LRRC38: variants seen among roughly 807,000 people sequenced by gnomAD.
LRRC38 encodes leucine-rich repeat-containing protein 38.
Under a neutral mutation model 16.4 loss-of-function variants are expected in LRRC38, and 5 were observed. The ratio of observed to expected loss-of-function variants is 0.31; its 90% CI spans 0.16 to 0.64. LRRC38 has a LOEUF of 0.64. Among genes scored for constraint, LRRC38 ranks in the 30% least tolerant of loss-of-function variants. LRRC38 has a pLI of 0.80. For missense variants in LRRC38, 341 were observed against 401.8 expected (o/e 0.85, Z 1.29); for synonymous variants, 191 against 190.2 (o/e 1.00, Z -0.04).
In LRRC38 at chr1:13,487,976, G is replaced by A. The variant is rs957817439; in HGVS notation, c.632-11877C>T. Among the ~76,000 whole-genome samples the A allele has an allele frequency of 7.9e-5, 12 of 151,272 alleles. No individual in the cohort carries two copies. The South Asian group carries it at 2.3e-3, about 29-fold the overall frequency. ...GACAATAAAAATAATCAAAAACAAG[G>A]GAGAATTAAAAAAAAAGTTAACACT... On this transcript the variant is annotated intron_variant, in intron 1 of 1. Coordinates refer to ENST00000376085, the MANE Select transcript of LRRC38 (RefSeq NM_001010847.2). The surrounding 1 kb of genome is among the most constrained non-coding windows in gnomAD (Gnocchi z 4.4).
At chr1:13,493,492 A>G (rs546869188) in intron 1 of LRRC38, among the ~76,000 whole-genome samples, 1 of 152,298 alleles carries the variant, frequency 6.6e-6, no homozygotes, top group African/African-American at 2.4e-5. Context: ...TCCACATGCT[A>G]ATCCTCAGAA....
chr1:13,497,441 G>A (rs1639092016), intron 1 of LRRC38, among the ~76,000 whole-genome samples: 1 of 152,038 alleles, frequency 6.6e-6, no homozygotes, highest in Admixed American at 6.6e-5. Context: ...TTGTGGCTGA[G>A]AGACTCTAGT....
chr1:13,513,047 G>A lies in LRRC38; in HGVS notation c.547C>T (p.Leu183=). The A allele has an allele frequency of 6.5e-7, 1 of 1,550,056 alleles. No homozygotes were observed. The highest frequency in any genetic ancestry group is 8.7e-7 in the Non-Finnish European group (1 of 1,146,732). Residue 183 remains leucine, a synonymous_variant, in exon 1 of 2, where the codon CTG becomes TTG. Transcript: ENST00000376085. ...TCGCACAGCCAGGGGTTCCCGTCCAGACGCAGGGAGCGCAGCGCGGGCAGC... is the reference window on the plus strand; with the variant it reads ...TCGCACAGCCAGGGGTTCCCGTCCAAACGCAGGGAGCGCAGCGCGGGCAGC... The part of the protein sequence containing the change: ...AALPALRSLR[L]DGNPWLCDCD...
chr1:13,506,853 AG>A (rs1362238215), intron 1 of LRRC38, among the ~76,000 whole-genome samples: 3 of 152,228 alleles, frequency 2.0e-5, no homozygotes, highest in Admixed American at 6.5e-5. Flanking sequence ...ACAAGATGCT[AG>A]GACAGCAGGA....
chr1:13,499,056 T>C (rs557484638), intron 1 of LRRC38, among the ~76,000 whole-genome samples: 1 of 152,276 alleles, frequency 6.6e-6, no homozygotes, highest in East Asian at 1.9e-4. Flanking sequence ...CCAGTCATAC[T>C]GAGTTCAGGC....
Position 13,487,945 on chromosome 1 carries a change from T to C in LRRC38, c.632-11846A>G, listed in dbSNP as rs1227962424. On this transcript the variant is annotated intron_variant, in intron 1 of 1. Transcript: ENST00000376085. This position sits in a 1 kb window ranked among gnomAD's most constrained non-coding sequence, Gnocchi z 4.4. The stretch of plus-strand genomic sequence containing the variant: ...ACATATTAGGCAAAGCTCACATATA[T>C]ACTGAGACAATAAAAATAATCAAAA... Among the ~76,000 whole-genome samples the C allele has an allele frequency of 1.3e-5, 2 of 152,006 alleles. No individual in the cohort carries two copies. The highest frequency in any genetic ancestry group is 2.9e-5 in the Non-Finnish European group (2 of 68,008).
At chr1:13,494,775 C>A (rs959830906) in intron 1 of LRRC38, among the ~76,000 whole-genome samples, 1 of 152,192 alleles carries the variant, frequency 6.6e-6, no homozygotes, top group Non-Finnish European at 1.5e-5. Context: ...CTTGGTCTCT[C>A]TGAGCTGTGC....
chr1:13,487,543 C>T lies in LRRC38; in HGVS notation c.632-11444G>A, dbSNP rs75183448. Among the ~76,000 whole-genome samples, 1,519 of 152,318 alleles carry T rather than the reference C, an allele frequency of 1.0e-2. 22 individuals carry two copies. The highest frequency in any genetic ancestry group is 0.034 in the African/African-American group (1,430 of 41,560). On this transcript the variant is annotated intron_variant, in intron 1 of 1. Coordinates refer to ENST00000376085, the MANE Select transcript of LRRC38 (RefSeq NM_001010847.2). The surrounding 1 kb of genome is among the most constrained non-coding windows in gnomAD (Gnocchi z 4.4). ...CCACAGCGCCCTCCCCTTATAACCA[C>T]GACTTCCTTCTCTTCCAGGGCACAT...
In LRRC38 at chr1:13,513,333, G is replaced by T. The variant is rs374550402; in HGVS notation, c.261C>A (p.Phe87Leu). Reference sequence around the variant, plus strand: ...CCAGCGAGCGCAGCGAGTTGTTCCTGAAGTCCAGGTAGACCAGGTCGCCGT... The same window carrying T: ...CCAGCGAGCGCAGCGAGTTGTTCCTTAAGTCCAGGTAGACCAGGTCGCCGT... ...IFYGDLVYLD[F>L]RNNSLRSLEE... is the part of the protein sequence containing the mutation. The change falls in exon 1 of 2, where the codon TTC becomes TTA. Residue 87 changes from phenylalanine to leucine, a missense_variant. Physicochemically the swap from Phe to Leu is conservative, Grantham distance 22. Transcript: ENST00000376085. The T allele has an allele frequency of 1.9e-6, 3 of 1,550,938 alleles. No individual in the cohort carries two copies. Among genetic ancestry groups the T allele is most frequent in the South Asian group, 2.4e-5 (2 of 84,064 alleles).
At chr1:13,481,770 TCCCTCTCTCC>T (rs1162205723) in intron 1 of LRRC38, among the ~76,000 whole-genome samples, 437 of 37,588 alleles carry the variant, frequency 0.012, 16 homozygotes, top group Non-Finnish European at 0.013. Context: ...TCCCTCTCTC[TCCCTCTCTCC>T]CTCTCTCCCT....
At chr1:13,507,601 G>A (rs915237397) in intron 1 of LRRC38, among the ~76,000 whole-genome samples, 5 of 151,412 alleles carry the variant, frequency 3.3e-5, no homozygotes, top group African/African-American at 1.2e-4. Context: ...CCAGGCCGAG[G>A]TGAGTGGATC....
At position 13,512,948 on chromosome 1, in the gene LRRC38, G is replaced by A; in HGVS notation, c.631+15C>T. 1.1e-6 allele frequency: 1 copy of A among 902,938 alleles called. No homozygotes were observed. The highest frequency in any genetic ancestry group is 1.6e-6 in the Non-Finnish European group (1 of 643,724). 55.9% of individuals were successfully genotyped at this position (902,938 alleles called of 1,614,324 possible). Reference sequence around the variant, plus strand: ...CCCCCTCCCTCCCTCCCCCAGCCTAGCCGGCTCGGCTCACCTTTGGGCAGT... The same window carrying A: ...CCCCCTCCCTCCCTCCCCCAGCCTAACCGGCTCGGCTCACCTTTGGGCAGT... On this transcript the variant is annotated intron_variant, in intron 1 of 1. Coordinates refer to ENST00000376085, the MANE Select transcript of LRRC38 (RefSeq NM_001010847.2).
chr1:13,496,979 G>A (rs1639088151), intron 1 of LRRC38, among the ~76,000 whole-genome samples: 1 of 152,092 alleles, frequency 6.6e-6, no homozygotes, highest in Admixed American at 6.6e-5. Flanking sequence ...CCTGGCAGAG[G>A]AAGTAGCAGG....
At chr1:13,496,213 C>G (rs1639078064) in intron 1 of LRRC38, among the ~76,000 whole-genome samples, 1 of 151,972 alleles carries the variant, frequency 6.6e-6, no homozygotes, top group Non-Finnish European at 1.5e-5. Context: ...GTCACCCAGG[C>G]TGGGGTGCAG....
chr1:13,504,595 C>T (rs1346817988), intron 1 of LRRC38, among the ~76,000 whole-genome samples: 1 of 151,596 alleles, frequency 6.6e-6, no homozygotes, highest in Non-Finnish European at 1.5e-5. Flanking sequence ...GTAGTGTACA[C>T]ACCTGTAATC....
At chr1:13,499,242 G>A (rs1639119085) in intron 1 of LRRC38, among the ~76,000 whole-genome samples, 2 of 152,194 alleles carry the variant, frequency 1.3e-5, no homozygotes, top group East Asian at 3.9e-4. Flanking sequence ...GGGATTACAG[G>A]TGCCCGCCAC....
chr1:13,493,646 C>A (rs1639045307), intron 1 of LRRC38, among the ~76,000 whole-genome samples: 1 of 152,122 alleles, frequency 6.6e-6, no homozygotes, highest in Non-Finnish European at 1.5e-5. Context: ...GCAGGCAGGT[C>A]AGAGCAGGAG....
chr1:13,495,484 G>C (rs189310700), intron 1 of LRRC38, among the ~76,000 whole-genome samples: 3 of 152,182 alleles, frequency 2.0e-5, no homozygotes, highest in South Asian at 2.1e-4. Context: ...ATGGTGGGGA[G>C]GGGGAGGGAG....
Position 13,476,012 on chromosome 1 carries a change from C to A in LRRC38, c.719G>T (p.Arg240Met), listed in dbSNP as rs1426958002. 1.3e-6 allele frequency: 2 copies of A among 1,550,506 alleles called. No individual in the cohort carries two copies. Among genetic ancestry groups the A allele is most frequent in the Non-Finnish European group, 1.7e-6 (2 of 1,146,974 alleles). Residue 240 changes from arginine (R) to methionine (M), a missense_variant, in exon 2 of 2, where the codon AGG (arginine) becomes ATG (methionine). By Grantham distance (91) the Arg-to-Met change is moderately conservative. Transcript: ENST00000376085. ...GAGGTCTGTGAGTGACAGGCTGAACCTACACTCGCTGAAGCTGGCCTCCGA... is the reference window on the plus strand; with the variant it reads ...GAGGTCTGTGAGTGACAGGCTGAACATACACTCGCTGAAGCTGGCCTCCGA... Reference protein sequence around the residue: ...ELSEASFSECRFSLSLTDLCI... With the variant: ...ELSEASFSECMFSLSLTDLCI...
Sources: gnomAD v4.1 joint callset for allele counts (sites outside exome capture counted in the v4.1 genomes callset) on GRCh38, gnomAD v4.1.1 for gene constraint, Gnocchi (gnomAD v3.1) non-coding constraint, MANE v1.5 for transcripts, NCBI Gene and HGNC (gene_info 2026-07-23, HGNC 2026-07-21) for gene names.